The following EFCAB6 variants were observed in gnomAD, a reference collection of about 807,000 sequenced individuals.
EFCAB6 encodes the protein EF-hand calcium binding domain 6.
EFCAB6 carries 156 observed loss-of-function variants against 169.8 expected under a neutral mutation model. The ratio of observed to expected loss-of-function variants is 0.92; its 90% CI spans 0.81 to 1.05. The LOEUF (loss-of-function observed/expected upper bound fraction) is 1.05, where lower values mean the gene tolerates loss of function less well. Ranked by LOEUF, EFCAB6 falls within the 50% of genes least tolerant of loss-of-function variation. The pLI is 0.00. For missense variants in EFCAB6, 1,800 were observed against 1,829.1 expected, an observed-to-expected ratio of 0.98 and a Z score of 0.29; for synonymous variants, 698 against 676.4, an observed-to-expected ratio of 1.03 and a Z score of -0.50.
At chr22:43,582,361 C>CACACACACAT (rs2050784056) in intron 24 of EFCAB6, among the ~76,000 whole-genome samples, 1 of 151,898 alleles carries the variant, frequency 6.6e-6, no homozygotes, top group African/African-American at 2.4e-5. Context: ...CACACACACA[C>CACACACACAT]ACACACATAC....
intron 17 of EFCAB6, among the ~76,000 whole-genome samples, chr22:43,662,418 C>T (rs1340602067): frequency 6.6e-6 from 1 of 151,984 alleles, no homozygotes; most frequent in Non-Finnish European, 1.5e-5. Context: ...AAATAATTGG[C>T]ACTTCCAATT....
At chr22:43,704,600 G>A (rs2058888027) in intron 10 of EFCAB6, among the ~76,000 whole-genome samples, 1 of 152,112 alleles carries the variant, frequency 6.6e-6, no homozygotes, top group South Asian at 2.1e-4. Flanking sequence ...ATAAGATTAT[G>A]TAAATTTTGA....
intron 9 of EFCAB6, among the ~76,000 whole-genome samples, chr22:43,716,308 G>T (rs749648687): frequency 6.6e-6 from 1 of 152,058 alleles, no homozygotes; most frequent in Non-Finnish European, 1.5e-5. Flanking sequence ...CACATCACAG[G>T]CTAAGTTCAC....
At position 43,554,883 on chromosome 22, in the gene EFCAB6, G is replaced by C. The variant is rs1452461890; in HGVS notation, c.3634C>G (p.Leu1212Val). The stretch of plus-strand genomic sequence containing the variant: ...GCGTTTCTTACCTGTTCGTCCGTCA[G>C]GATTTGGACGCGGCGATTACAAATG... ...RAICNRRVQILTDEQFDRLWN... is the reference protein window; with the variant it reads ...RAICNRRVQIVTDEQFDRLWN... Residue 1212 changes from leucine (L) to valine (V), a missense_variant, in exon 27 of 32, where the codon CTG (leucine) becomes GTG (valine). Transcript: ENST00000262726. 1 of 1,614,220 alleles carries C rather than the reference G, an allele frequency of 6.2e-7. No individual in the cohort carries two copies. The highest frequency in any genetic ancestry group is 8.5e-7 in the Non-Finnish European group (1 of 1,180,044).
At chr22:43,672,399 C>T (rs2057532668) in intron 13 of EFCAB6, 94 bp from the exon 14 acceptor site, 4 of 1,348,220 alleles carry the variant, frequency 3.0e-6, no homozygotes, top group Admixed American at 3.9e-5. Flanking sequence ...AATCCTAGCT[C>T]TGTCCCTAAT....
intron 27 of EFCAB6, among the ~76,000 whole-genome samples, chr22:43,548,321 A>G (rs547259497): frequency 6.6e-6 from 1 of 152,054 alleles, no homozygotes; most frequent in East Asian, 1.9e-4. Context: ...CAGGTGGATC[A>G]CTTGAGGTCA....
At chr22:43,578,247 G>T (rs1410734782) in intron 25 of EFCAB6, among the ~76,000 whole-genome samples, 12 of 152,164 alleles carry the variant, frequency 7.9e-5, no homozygotes. Context: ...CACCTTGCAA[G>T]GTTATGATCA....
At chr22:43,788,206 G>T (rs1314078265) in intron 2 of EFCAB6, among the ~76,000 whole-genome samples, 1 of 152,148 alleles carries the variant, frequency 6.6e-6, no homozygotes, top group Non-Finnish European at 1.5e-5. Context: ...AAAAACACAG[G>T]CAACTAAAGA....
At chr22:43,738,420 TAC>T (rs2060246175) in intron 6 of EFCAB6, among the ~76,000 whole-genome samples, 1 of 150,354 alleles carries the variant, frequency 6.7e-6, no homozygotes, top group Admixed American at 6.6e-5. Context: ...CTCACACACA[TAC>T]ATTCACATAC....
chr22:43,673,639 G>T (rs2057591708), intron 13 of EFCAB6, among the ~76,000 whole-genome samples: 1 of 152,040 alleles, frequency 6.6e-6, no homozygotes, highest in Non-Finnish European at 1.5e-5. Flanking sequence ...AATTAGCTGG[G>T]TGTGGTGGTG....
chr22:43,773,761 A>T (rs1663455310), intron 3 of EFCAB6, among the ~76,000 whole-genome samples: 1 of 152,162 alleles, frequency 6.6e-6, no homozygotes, highest in African/African-American at 2.4e-5. Context: ...GCAGGAGAAT[A>T]GCTTGAACCT....
At chr22:43,687,669 A>C in intron 10 of EFCAB6, 88 bp from the exon 11 acceptor site, 1 of 642,658 alleles carries the variant, frequency 1.6e-6, no homozygotes, top group Non-Finnish European at 2.6e-6. Context: ...TTGAATTGAA[A>C]ATGGCAGCAA....
At position 43,608,575 on chromosome 22, in the gene EFCAB6, C is replaced by T. The variant is rs746806076; in HGVS notation, c.2588G>A (p.Gly863Asp). The change falls in exon 22 of 32, where the codon GGC becomes GAC. Residue 863 changes from glycine (G) to aspartate (D), a missense_variant. Transcript: ENST00000262726. ...GTCCCGGCGTCGAAGAATGCCATTGCCCTCATTATCGGTTTCTAGAAAATT... is the reference window on the plus strand; with the variant it reads ...GTCCCGGCGTCGAAGAATGCCATTGTCCTCATTATCGGTTTCTAGAAAATT... Reference protein sequence around the residue: ...SKNFLETDNEGNGILRRRDIK... With the variant: ...SKNFLETDNEDNGILRRRDIK... 2 of 1,614,150 alleles carry T rather than the reference C, an allele frequency of 1.2e-6. No homozygotes were observed. The highest frequency in any genetic ancestry group is 1.1e-5 in the South Asian group (1 of 91,070).
intron 20 of EFCAB6, among the ~76,000 whole-genome samples, chr22:43,622,855 C>T (rs186969335): frequency 2.4e-4 from 36 of 152,212 alleles, no homozygotes; most frequent in Middle Eastern, 3.4e-3. Context: ...AGTTTTCTTG[C>T]GGCAGTGCCC....
intron 26 of EFCAB6, among the ~76,000 whole-genome samples, chr22:43,565,677 C>A (rs1318431509): frequency 2.0e-5 from 3 of 151,906 alleles, no homozygotes; most frequent in Non-Finnish European, 1.5e-5. Flanking sequence ...GCTCATCTGA[C>A]TGTATGATTC....
intron 6 of EFCAB6, among the ~76,000 whole-genome samples, chr22:43,751,580 G>A (rs905407458): frequency 3.9e-5 from 6 of 152,202 alleles, no homozygotes; most frequent in African/African-American, 1.4e-4. Flanking sequence ...AAAGACTGAC[G>A]CGGTGGAGGA....
rs1382824996 is a variant in EFCAB6, at chr22:43,562,579, CCGG to C, written c.3421-7486_3421-7484del. The stretch of plus-strand genomic sequence containing the variant: ...CAGTCAGAGGTGGGAGGGAGGCAGC[CCGG>C]TGGGGGGTTGGAGGGAGGCAGCCCA... On this transcript the variant is annotated intron_variant, in intron 26 of 31. Transcript: ENST00000262726. Among the ~76,000 whole-genome samples the C allele has an allele frequency of 2.6e-4, 35 of 134,346 alleles. 3 individuals carry two copies. The highest frequency in any genetic ancestry group is 1.0e-3 in the African/African-American group (35 of 34,820). The allele number at this position is 134,346 out of a possible 152,430, so 88.1% of individuals were successfully genotyped here. A position where few individuals can be genotyped will look rare whatever the true frequency, so the allele number is the denominator to read the frequency against.
chr22:43,544,857 T>A (rs1176380691), intron 27 of EFCAB6, among the ~76,000 whole-genome samples: 1 of 152,094 alleles, frequency 6.6e-6, no homozygotes, highest in African/African-American at 2.4e-5. Context: ...GTGCAGTGGG[T>A]CACACCTGTA....
chr22:43,628,247 G>A lies in EFCAB6; in HGVS notation c.2233-1568C>T, dbSNP rs1460332148. On this transcript the variant is annotated intron_variant, in intron 19 of 31. Coordinates refer to ENST00000262726, the MANE Select transcript of EFCAB6 (RefSeq NM_022785.4). This position sits in a 1 kb window ranked among gnomAD's most constrained non-coding sequence, Gnocchi z 4.8. Reference sequence around the variant, plus strand: ...TAAGTGGAGCTCTTTCCTCCTGGTTGCTCAGACACAAACCTGGGAGCCCTT... The same window carrying A: ...TAAGTGGAGCTCTTTCCTCCTGGTTACTCAGACACAAACCTGGGAGCCCTT... 6.6e-6 allele frequency among the ~76,000 whole-genome samples: 1 copy of A among 152,020 alleles called. No homozygotes were observed. The highest frequency in any genetic ancestry group is 1.5e-5 in the Non-Finnish European group (1 of 67,994).
Sources: gnomAD v4.1 joint callset for allele counts (sites outside exome capture counted in the v4.1 genomes callset) on GRCh38, gnomAD v4.1.1 for gene constraint, Gnocchi (gnomAD v3.1) non-coding constraint, MANE v1.5 for transcripts, NCBI Gene and HGNC (gene_info 2026-07-23, HGNC 2026-07-21) for gene names.